DNAJC17: variants seen among roughly 807,000 people sequenced by gnomAD.
The protein encoded by DNAJC17 is DnaJ heat shock protein family (Hsp40) member C17, also known as dnaJ homolog subfamily C member 17.
DNAJC17 carries 35 observed loss-of-function variants against 48.1 expected under a neutral mutation model. The observed-to-expected ratio is 0.73, with a 90% CI of 0.56 to 0.96. The LOEUF is 0.96. Ranked by LOEUF, DNAJC17 falls within the 50% of genes least tolerant of loss-of-function variation. DNAJC17 has a pLI of 0.00. For synonymous variants in DNAJC17, 117 were observed against 142.7 expected, an observed-to-expected ratio of 0.82 and a Z score of 1.28; for missense variants, 355 against 377.1, an observed-to-expected ratio of 0.94 and a Z score of 0.48.
chr15:40,773,338 A>C (rs1456131989), intron 10 of DNAJC17, among the ~76,000 whole-genome samples: 1 of 152,032 alleles, frequency 6.6e-6, no homozygotes, highest in East Asian at 1.9e-4. Flanking sequence ...ACATCCAGAA[A>C]ACTGAAGTGC....
rs1014564978 is a variant in DNAJC17, at chr15:40,770,834, G to A, written c.793-2772C>T. The stretch of plus-strand genomic sequence containing the variant: ...CCTACTCTGCCACCCTGCCATCGGC[G>A]CTCTCTCTGTCGAGTGCCCTCCACC... On this transcript the variant is annotated intron_variant, in intron 10 of 10. Coordinates refer to ENST00000220496, the MANE Select transcript of DNAJC17 (RefSeq NM_018163.3). The surrounding 1 kb of genome is among the most constrained non-coding windows in gnomAD (Gnocchi z 5.0). 6.4e-6 allele frequency: 10 copies of A among 1,551,100 alleles called. No homozygotes were observed. In the East Asian group the frequency reaches 7.3e-5, roughly 11 times the overall value.
chr15:40,771,258 G>A (rs1156364170), intron 10 of DNAJC17: 1 of 567,186 alleles, frequency 1.8e-6, no homozygotes, highest in African/African-American at 1.9e-5. Flanking sequence ...GAAATGTTGG[G>A]GGGGCGGCCC....
chr15:40,798,958 G>A (rs140219221), intron 1 of DNAJC17, among the ~76,000 whole-genome samples: 2 of 152,228 alleles, frequency 1.3e-5, no homozygotes, highest in African/African-American at 2.4e-5. Context: ...GGTGGCTCAC[G>A]CCTGTAATCC....
At chr15:40,795,926 G>A (rs1889931983) in intron 1 of DNAJC17, among the ~76,000 whole-genome samples, 1 of 152,184 alleles carries the variant, frequency 6.6e-6, no homozygotes, top group African/African-American at 2.4e-5. Context: ...GTGAGTGCCT[G>A]CTCTGGGCAA....
intron 1 of DNAJC17, among the ~76,000 whole-genome samples, chr15:40,790,579 CAAATAAAAATA>C (rs759067851): frequency 1.6e-4 from 25 of 152,090 alleles, no homozygotes; most frequent in Middle Eastern, 3.4e-3. Flanking sequence ...ACTCTCTTTC[CAAATAAAAATA>C]AAATAAAAAT....
At chr15:40,792,459 A>G (rs1889831669) in intron 1 of DNAJC17, 1 of 985,382 alleles carries the variant, frequency 1.0e-6, no homozygotes. Context: ...TTACCTGCCA[A>G]GATGAATGAG....
intron 4 of DNAJC17, among the ~76,000 whole-genome samples, chr15:40,778,833 C>T (rs534162885): frequency 2.0e-5 from 3 of 152,102 alleles, no homozygotes; most frequent in Non-Finnish European, 4.4e-5. Flanking sequence ...TATCGTGAGG[C>T]TGAGGCACAA....
At chr15:40,804,494 G>A (rs1455670640) in intron 1 of DNAJC17, among the ~76,000 whole-genome samples, 1 of 152,024 alleles carries the variant, frequency 6.6e-6, no homozygotes, top group Non-Finnish European at 1.5e-5. Flanking sequence ...AACTACATGA[G>A]AGGCTGAGGT....
chr15:40,770,981 G>C lies in DNAJC17; in HGVS notation c.792+2746C>G, dbSNP rs1889122453. ...GGATTTCACTTCTTGAGGAAGTTCT[G>C]CAGATGCTAAGGGAGCAGTTTCCTA... On this transcript the variant is annotated intron_variant, in intron 10 of 10. Transcript: ENST00000220496. This position sits in a 1 kb window ranked among gnomAD's most constrained non-coding sequence, Gnocchi z 5.0. The C allele has an allele frequency of 2.6e-6, 4 of 1,551,216 alleles. No individual in the cohort carries two copies. The highest frequency in any genetic ancestry group is 3.5e-6 in the Non-Finnish European group (4 of 1,146,998).
At position 40,807,247 on chromosome 15, in the gene DNAJC17, C is replaced by G. The variant is rs776150648; in HGVS notation, c.78+122G>C. On this transcript the variant is annotated intron_variant, in intron 1 of 10. Coordinates refer to ENST00000220496, the MANE Select transcript of DNAJC17 (RefSeq NM_018163.3). ...CCGCCTGCGGAGGGCATAGCGCCGA[C>G]CCTCGCTCCCCGCCCAGGACCCGAA... 4 of 1,579,314 alleles carry G rather than the reference C, an allele frequency of 2.5e-6. No individual in the cohort carries two copies. In the African/African-American group the frequency reaches 5.4e-5, roughly 21 times the overall value.
At chr15:40,782,774 AG>A (rs1889537689) in intron 1 of DNAJC17, among the ~76,000 whole-genome samples, 1 of 152,084 alleles carries the variant, frequency 6.6e-6, no homozygotes, top group African/African-American at 2.4e-5. Context: ...TCCATGAGGC[AG>A]CCACCGGGCC....
intron 1 of DNAJC17, among the ~76,000 whole-genome samples, chr15:40,787,738 C>G (rs553869048): frequency 6.6e-6 from 1 of 152,206 alleles, no homozygotes; most frequent in South Asian, 2.1e-4. Context: ...TGGGTTTTGC[C>G]GCAAGCACAC....
chr15:40,800,859 T>C (rs866763197), intron 1 of DNAJC17, among the ~76,000 whole-genome samples: 16 of 151,280 alleles, frequency 1.1e-4, no homozygotes, highest in Middle Eastern at 3.4e-3. Flanking sequence ...CTCCGGAGAC[T>C]GAAGCAGAGA....
intron 1 of DNAJC17, among the ~76,000 whole-genome samples, chr15:40,793,521 C>T (rs770130903): frequency 1.3e-5 from 2 of 152,046 alleles, no homozygotes; most frequent in Non-Finnish European, 2.9e-5. Flanking sequence ...GATCCTCCAC[C>T]GCCTTCCTAC....
At position 40,767,130 on chromosome 15, in the gene DNAJC17, T is replaced by C; in HGVS notation, c.*810A>G. The C allele has an allele frequency of 1.5e-6, 2 of 1,332,046 alleles. No homozygotes were observed. The highest frequency in any genetic ancestry group is 2.0e-6 in the Non-Finnish European group (2 of 1,006,814). The allele number at this position is 1,332,046 out of a possible 1,614,324, so 82.5% of individuals were successfully genotyped here. A position where few individuals can be genotyped will look rare whatever the true frequency, so the allele number is the denominator to read the frequency against. ...CAAGCAGCCAGCAAGTGTGAGTCACTACAAGAGTGGCCAGGCTGCCTGCTG... is the reference window on the plus strand; with the variant it reads ...CAAGCAGCCAGCAAGTGTGAGTCACCACAAGAGTGGCCAGGCTGCCTGCTG... On this transcript the variant is annotated 3_prime_UTR_variant, in exon 11 of 11. Transcript: ENST00000220496.
intron 1 of DNAJC17, among the ~76,000 whole-genome samples, chr15:40,796,011 C>A (rs901065693): frequency 6.6e-6 from 1 of 152,184 alleles, no homozygotes; most frequent in Non-Finnish European, 1.5e-5. Context: ...TCCTACCTAC[C>A]GGGTGGGAAT....
chr15:40,774,090 G>A (rs1332223055), intron 9 of DNAJC17, among the ~76,000 whole-genome samples: 1 of 152,192 alleles, frequency 6.6e-6, no homozygotes, highest in East Asian at 1.9e-4. Flanking sequence ...GCCCCAAGGG[G>A]TGCAGGTGGA....
At chr15:40,807,149 A>G in intron 1 of DNAJC17, 1 of 1,169,284 alleles carries the variant, frequency 8.6e-7, no homozygotes, top group South Asian at 1.6e-5. Context: ...GAGCACAGCC[A>G]CCCGGCGCGA....
chr15:40,807,153 G>C lies in DNAJC17; in HGVS notation c.78+216C>G, dbSNP rs575167731. ...GGCCACGGGGAGAGCACAGCCACCC[G>C]GCGCGAAGAGCCCTCTGTACCCCGC... On this transcript the variant is annotated intron_variant, in intron 1 of 10. Transcript: ENST00000220496. The C allele has an allele frequency of 4.8e-5, 58 of 1,218,660 alleles. 1 individual carries two copies. Among genetic ancestry groups the C allele is most frequent in the Non-Finnish European group, 6.5e-5 (58 of 898,524 alleles). 75.5% of individuals were successfully genotyped at this position (1,218,660 alleles called of 1,614,324 possible). A position where few individuals can be genotyped will look rare whatever the true frequency, so the allele number is the denominator to read the frequency against.
Sources: allele counts gnomAD v4.1 joint callset (sites outside exome capture counted in the v4.1 genomes callset), GRCh38; gene constraint gnomAD v4.1.1; non-coding constraint Gnocchi (gnomAD v3.1); transcripts MANE v1.5; gene names NCBI Gene and HGNC (gene_info 2026-07-23, HGNC 2026-07-21).